The following ARHGAP32 variants were observed in gnomAD, a reference collection of about 807,000 sequenced individuals.
The protein encoded by ARHGAP32 is rho GTPase-activating protein 32.
In ARHGAP32, 51 loss-of-function variants were observed where a neutral mutation model predicts 186.5. That is an observed-to-expected ratio of 0.27 (90% confidence interval 0.22 to 0.35). ARHGAP32 has a LOEUF of 0.35. Ranked by LOEUF, ARHGAP32 falls within the 10% of genes least tolerant of loss-of-function variation. The pLI is 1.00. For synonymous variants in ARHGAP32, 950 were observed against 964.3 expected, an observed-to-expected ratio of 0.99 and a Z score of 0.27; for missense variants, 2,186 against 2,623.5, an observed-to-expected ratio of 0.83 and a Z score of 3.64.
chr11:129,107,326 C>G (rs1942076098), intron 5 of ARHGAP32, among the ~76,000 whole-genome samples: 1 of 152,126 alleles, frequency 6.6e-6, no homozygotes, highest in Admixed American at 6.5e-5. Flanking sequence ...AAACAAAGTT[C>G]TTAACATTGA....
At chr11:129,199,478 A>G (rs1944433268) in intron 1 of ARHGAP32, among the ~76,000 whole-genome samples, 1 of 152,246 alleles carries the variant, frequency 6.6e-6, no homozygotes, top group Non-Finnish European at 1.5e-5. Context: ...TATGGCTAAA[A>G]GGGGCCAAGA....
At chr11:129,188,578 T>C (rs1436306102) in intron 1 of ARHGAP32, among the ~76,000 whole-genome samples, 2 of 152,100 alleles carry the variant, frequency 1.3e-5, no homozygotes, top group Non-Finnish European at 2.9e-5. Flanking sequence ...AGATAACTGG[T>C]CCACGGTCCA....
At chr11:129,211,419 G>C (rs540204096) in intron 1 of ARHGAP32, among the ~76,000 whole-genome samples, 1 of 152,194 alleles carries the variant, frequency 6.6e-6, no homozygotes, top group East Asian at 1.9e-4. Flanking sequence ...TATTCCTTTA[G>C]AGCCAGTCAG....
chr11:129,129,974 A>C (rs554033855), intron 2 of ARHGAP32, among the ~76,000 whole-genome samples: 1 of 152,324 alleles, frequency 6.6e-6, no homozygotes, highest in South Asian at 2.1e-4. Flanking sequence ...TTTTTTAAAA[A>C]TTAAGTTAAA....
intron 5 of ARHGAP32, among the ~76,000 whole-genome samples, chr11:129,110,983 T>C (rs572804380): frequency 1.1e-4 from 17 of 152,294 alleles, no homozygotes; most frequent in African/African-American, 3.8e-4. Flanking sequence ...AGTGGAAAAG[T>C]TGGCATCCTT....
intron 10 of ARHGAP32, among the ~76,000 whole-genome samples, chr11:129,045,011 A>T (rs1485347360): frequency 6.6e-6 from 1 of 152,204 alleles, no homozygotes; most frequent in Non-Finnish European, 1.5e-5. Context: ...CATCACAATG[A>T]ATTAGGTTTA....
At chr11:128,987,210 T>C (rs1467455899) in intron 13 of ARHGAP32, among the ~76,000 whole-genome samples, 4 of 152,176 alleles carry the variant, frequency 2.6e-5, no homozygotes, top group Non-Finnish European at 4.4e-5. Context: ...AAATAAAAGT[T>C]GTACGCAGAA....
At chr11:129,178,100 G>A (rs1483775124) in intron 1 of ARHGAP32, among the ~76,000 whole-genome samples, 4 of 150,492 alleles carry the variant, frequency 2.7e-5, no homozygotes, top group African/African-American at 9.7e-5. Flanking sequence ...AAAGTCTCAG[G>A]ATACAAAATC....
chr11:128,973,787 CTTG>C (rs762632977), intron 21 of ARHGAP32: 14 of 502,982 alleles, frequency 2.8e-5, no homozygotes, highest in Middle Eastern at 5.0e-4. Context: ...GTGTAGCTGG[CTTG>C]TTAACTTGGA....
At chr11:129,267,925 G>C (rs930910817) in intron 1 of ARHGAP32, among the ~76,000 whole-genome samples, 1 of 152,004 alleles carries the variant, frequency 6.6e-6, no homozygotes, top group African/African-American at 2.4e-5. Context: ...CTCTCTGTGG[G>C]GAACTAACGG....
At chr11:128,991,110 G>A (rs562195701) in intron 12 of ARHGAP32, among the ~76,000 whole-genome samples, 31 of 152,248 alleles carry the variant, frequency 2.0e-4, no homozygotes, top group African/African-American at 7.2e-4. Context: ...GTATATCTGT[G>A]TGTTATTAGA....
chr11:129,057,100 G>A (rs1436395468), intron 10 of ARHGAP32, among the ~76,000 whole-genome samples: 3 of 152,144 alleles, frequency 2.0e-5, no homozygotes, highest in Non-Finnish European at 2.9e-5. Context: ...CTGGCTGACC[G>A]AGGTGCATGC....
upstream of ARHGAP32, among the ~76,000 whole-genome samples, chr11:129,194,637 C>T (rs1447398682): frequency 2.0e-5 from 3 of 151,818 alleles, no homozygotes; most frequent in Non-Finnish European, 4.4e-5. Context: ...AAACAGACAG[C>T]TGGAGAAGAG....
chr11:129,197,612 G>GT (rs1278862984), intron 1 of ARHGAP32, among the ~76,000 whole-genome samples: 5 of 152,034 alleles, frequency 3.3e-5, no homozygotes, highest in African/African-American at 1.2e-4. Flanking sequence ...TAATATATAT[G>GT]TATGTATCAT....
At chr11:129,054,384 A>G (rs911737450) in intron 10 of ARHGAP32, among the ~76,000 whole-genome samples, 2 of 152,138 alleles carry the variant, frequency 1.3e-5, no homozygotes, top group African/African-American at 4.8e-5. Context: ...AGCAGTTCTC[A>G]TGTTCTGTGC....
chr11:128,974,679 T>C lies in ARHGAP32; in HGVS notation c.2518A>G (p.Lys840Glu), dbSNP rs778512536. 1.3e-5 allele frequency: 21 copies of C among 1,614,184 alleles called. No homozygotes were observed. The highest frequency in any genetic ancestry group is 3.3e-4 in the Middle Eastern group (2 of 6,062). ...ASFLDSPGYS[K>E]DKPSANKKDA... ...TTTTTATTGGCACTTGGTTTATCCT[T>C]GGAGTATCCTGGTGAATCTAAAAAG... The change falls in exon 21 of 23, where the codon AAG becomes GAG. Residue 840 changes from lysine (K) to glutamate (E), a missense_variant. Coordinates refer to ENST00000682385, the MANE Select transcript of ARHGAP32 (RefSeq NM_001378024.1).
chr11:129,038,174 CTGTGTCTAGGGTCAAT>C (rs1411231370), intron 11 of ARHGAP32, among the ~76,000 whole-genome samples: 2 of 151,942 alleles, frequency 1.3e-5, no homozygotes, highest in Non-Finnish European at 2.9e-5. Context: ...CTAGGGTCAA[CTGTGTCTAGGGTCAAT>C]TGATTTTTCC....
At chr11:129,179,181 A>G (rs1430710187) in intron 1 of ARHGAP32, among the ~76,000 whole-genome samples, 6 of 152,166 alleles carry the variant, frequency 3.9e-5, no homozygotes, top group African/African-American at 1.2e-4. Context: ...CAGCCAAAAA[A>G]CATATGAAAA....
In ARHGAP32 at chr11:128,973,134, C is replaced by G; in HGVS notation, c.3372G>C (p.Gln1124His). The change falls in exon 22 of 23, where the codon CAG becomes CAC. Residue 1124 changes from glutamine (Q) to histidine (H), a missense_variant. Transcript: ENST00000682385. Reference sequence around the variant, plus strand: ...GGTCACAGTTTCCTGGTGCATTATTCTGGAGGTGGAACTGCTCTGCTGGTC... The same window carrying G: ...GGTCACAGTTTCCTGGTGCATTATTGTGGAGGTGGAACTGCTCTGCTGGTC... ...TDRPAEQFHL[Q>H]NNAPGNCDHP... 6.2e-7 allele frequency: 1 copy of G among 1,614,140 alleles called. No individual in the cohort carries two copies. Among genetic ancestry groups the G allele is most frequent in the South Asian group, 1.1e-5 (1 of 91,082 alleles).
Sources: gnomAD v4.1 joint callset for allele counts (sites outside exome capture counted in the v4.1 genomes callset) on GRCh38, gnomAD v4.1.1 for gene constraint, MANE v1.5 for transcripts, NCBI Gene and HGNC (gene_info 2026-07-23, HGNC 2026-07-21) for gene names.